NUDT16L1: variants seen among roughly 807,000 people sequenced by gnomAD.
NUDT16L1 encodes nudix hydrolase 16 like 1, also known as tudor-interacting repair regulator protein.
A neutral mutation model predicts 17.3 loss-of-function variants in NUDT16L1; 19 were observed. The ratio of observed to expected loss-of-function variants is 1.10; its 90% confidence interval spans 0.77 to 1.61. The LOEUF is 1.61. NUDT16L1 is among the 40% of genes most tolerant of loss of function. The probability of loss-of-function intolerance (pLI) is 0.00; values close to 1 mark genes in which losing one functional copy is unlikely to be tolerated. For missense variants in NUDT16L1, 341 were observed against 292.0 expected, an observed-to-expected ratio of 1.17 and a Z score of -1.22; for synonymous variants, 255 against 138.6, an observed-to-expected ratio of 1.84 and a Z score of -5.90.
At chr16:4,694,002 C>T (rs1250383750) in exon 2 of NUDT16L1, 10 of 1,582,896 alleles carry the variant, frequency 6.3e-6, no homozygotes, top group African/African-American at 1.4e-5. Flanking sequence ...CGACGGGCTG[C>T]TGGGCTTCCC....
exon 3 of NUDT16L1, chr16:4,695,742 A>AC: frequency 5.0e-6 from 2 of 397,966 alleles, no homozygotes. Context: ...AAGTAGCTTC[A>AC]CCCCACGTGG....
At chr16:4,695,470 C>T (rs2079522265) in exon 3 of NUDT16L1, 1 of 581,818 alleles carries the variant, frequency 1.7e-6, no homozygotes, top group Non-Finnish European at 3.1e-6. Context: ...TACGTCTCAT[C>T]ACAGCTGGTA....
chr16:4,694,824 CT>C, intron 2 of NUDT16L1, 133 bp from the exon 3 acceptor site: 1 of 1,455,584 alleles, frequency 6.9e-7, no homozygotes, highest in Non-Finnish European at 9.0e-7. Flanking sequence ...CTGCCAGGCC[CT>C]GCGTGGGTCT....
intron 2 of NUDT16L1, chr16:4,694,513 T>TGGGGAGGAAGGGATG (rs1227075451): frequency 2.3e-6 from 3 of 1,281,486 alleles, no homozygotes; most frequent in Admixed American, 6.9e-5. Context: ...GTGGGATCGG[T>TGGGGAGGAAGGGATG]GGGGAGGAAG....
intron 2 of NUDT16L1, chr16:4,694,460 A>G: frequency 6.6e-7 from 1 of 1,523,090 alleles, no homozygotes; most frequent in Non-Finnish European, 8.8e-7. Flanking sequence ...GCTGTGTTAC[A>G]TCCGCCTTGC....
chr16:4,695,183 C>T (rs372242596), exon 3 of NUDT16L1: 4 of 1,610,782 alleles, frequency 2.5e-6, no homozygotes, highest in Admixed American at 3.3e-5. Flanking sequence ...CTCTTGAGGG[C>T]TGCCTGAGCT....
chr16:4,694,037 C>G (rs377621222), exon 2 of NUDT16L1: 17 of 1,584,630 alleles, frequency 1.1e-5, no homozygotes, highest in Non-Finnish European at 6.0e-6. Flanking sequence ...ACCGGCGCTT[C>G]TGGTCGCTGG....
At chr16:4,695,669 G>A (rs2079526172) in exon 3 of NUDT16L1, 3 of 405,572 alleles carry the variant, frequency 7.4e-6, no homozygotes, top group Admixed American at 4.2e-5. Context: ...AATTTGGGTT[G>A]TTGTTGGATT....
chr16:4,694,411 A>T, intron 2 of NUDT16L1, 173 bp downstream of exon 2: 4 of 401,524 alleles, frequency 1.0e-5, no homozygotes, highest in Non-Finnish European at 1.4e-5. Flanking sequence ...CCGGGAAAGG[A>T]GGGGCGGGGG....
At chr16:4,695,207 C>T (rs1222612080) in exon 3 of NUDT16L1, 1 of 1,602,086 alleles carries the variant, frequency 6.2e-7, no homozygotes, top group Non-Finnish European at 8.5e-7. Context: ...GGCACCCTCC[C>T]CTGGGCCGGA....
At chr16:4,694,893 C>A in intron 2 of NUDT16L1, 65 bp from the exon 3 acceptor site, 14 of 1,537,692 alleles carry the variant, frequency 9.1e-6, no homozygotes, top group Non-Finnish European at 1.1e-5. Context: ...GCTTCCAGGC[C>A]CCTCCTGCTG....
chr16:4,694,898 C>A (rs967860301), intron 2 of NUDT16L1, 60 bp from the exon 3 acceptor site: 3 of 1,544,060 alleles, frequency 1.9e-6, no homozygotes, highest in Non-Finnish European at 2.6e-6. Context: ...CAGGCCCCTC[C>A]TGCTGGAGGT....
At chr16:4,695,617 TG>T (rs1567269516) in exon 3 of NUDT16L1, 1 of 421,216 alleles carries the variant, frequency 2.4e-6, no homozygotes, top group Non-Finnish European at 4.2e-6. Context: ...GTTCAGGGCC[TG>T]GGGGAGAGCC....
At chr16:4,693,752 T>C in exon 1 of NUDT16L1, 1 of 1,554,060 alleles carries the variant, frequency 6.4e-7, no homozygotes, top group Non-Finnish European at 8.7e-7. Context: ...GTTCCGGAGC[T>C]GAAGCAGATC....
exon 3 of NUDT16L1, chr16:4,695,294 G>T: frequency 1.9e-6 from 2 of 1,062,330 alleles, no homozygotes; most frequent in East Asian, 2.6e-5. Flanking sequence ...GGGCGAGTGG[G>T]CATCCTGTCA....
intron 2 of NUDT16L1, 130 bp from the exon 3 acceptor site, chr16:4,694,828 G>C: frequency 1.4e-6 from 2 of 1,456,786 alleles, no homozygotes; most frequent in Non-Finnish European, 1.8e-6. Context: ...CAGGCCCTGC[G>C]TGGGTCTCCC....
chr16:4,695,132 G>A lies in NUDT16L1; in HGVS notation c.589G>A (p.Glu197Lys), dbSNP rs1348952256. 5 of 1,613,208 alleles carry A rather than the reference G, an allele frequency of 3.1e-6. No homozygotes were observed. Among genetic ancestry groups the A allele is most frequent in the Middle Eastern group, 1.7e-4 (1 of 6,060 alleles). The change falls in exon 3 of 3, where the codon GAG becomes AAG. Residue 197 changes from glutamate to lysine, a missense_variant. Glu to Lys is a moderately conservative substitution (Grantham distance 56). Coordinates refer to ENST00000304301, the Ensembl canonical transcript of NUDT16L1. ...GGTTGAGGCCCTGGCTGCAGCCACC[G>A]AGAAGCAGAAGAAGGCCCTGGAGAA... is the stretch of plus-strand genomic sequence containing the variant.
rs375443580 is a variant in NUDT16L1, at chr16:4,695,044, C to T, written c.501C>T (p.Ser167=). Residue 167 remains serine, a synonymous_variant, in exon 3 of 3, where the codon AGC becomes AGT. Coordinates refer to ENST00000304301, the Ensembl canonical transcript of NUDT16L1. ...ACTTCCTGAGCAACGCCTTCGTGAG[C>T]ACGGCTAAGTGCCAGCTCCTCTTTG... 5.0e-6 allele frequency: 8 copies of T among 1,613,326 alleles called. No individual in the cohort carries two copies. In the African/African-American group the frequency reaches 5.3e-5, roughly 11 times the overall value.
intron 2 of NUDT16L1, chr16:4,694,510 C>A: frequency 1.9e-6 from 2 of 1,077,868 alleles, no homozygotes; most frequent in South Asian, 1.9e-5. Context: ...GGAGTGGGAT[C>A]GGTGGGGAGG....
Sources: gnomAD v4.1 joint callset for allele counts on GRCh38, gnomAD v4.1.1 for gene constraint, MANE v1.5 for transcripts, NCBI Gene and HGNC (gene_info 2026-07-23, HGNC 2026-07-21) for gene names.